Variants in ARL15 observed in about 807,000 individuals in gnomAD.
The protein encoded by ARL15 is ARF like GTPase 15.
A neutral mutation model predicts 25.2 loss-of-function variants in ARL15; 19 were observed. That is an observed-to-expected ratio of 0.75 (90% CI 0.53 to 1.10). The LOEUF is 1.10. Ranked by LOEUF, ARL15 falls within the 50% of genes least tolerant of loss-of-function variation. The probability of loss-of-function intolerance (pLI) is 0.00; values close to 1 mark genes in which losing one functional copy is unlikely to be tolerated. For synonymous variants in ARL15, 94 were observed against 86.8 expected, an observed-to-expected ratio of 1.08 and a Z score of -0.46; for missense variants, 220 against 246.0, an observed-to-expected ratio of 0.89 and a Z score of 0.71.
intron 1 of ARL15, among the ~76,000 whole-genome samples, chr5:54,302,913 G>A (rs537136021): frequency 1.3e-5 from 2 of 151,788 alleles, no homozygotes; most frequent in Admixed American, 6.6e-5. Flanking sequence ...GAGATGACAG[G>A]GGAGAGCCAC....
intron 3 of ARL15, among the ~76,000 whole-genome samples, chr5:54,123,132 G>A (rs1224229074): frequency 1.4e-5 from 2 of 147,046 alleles, no homozygotes; most frequent in Admixed American, 6.8e-5. Flanking sequence ...TTTTTGAGAC[G>A]GAGTTTCGCT....
At chr5:53,937,449 C>T (rs1209666922) in intron 4 of ARL15, among the ~76,000 whole-genome samples, 2 of 152,102 alleles carry the variant, frequency 1.3e-5, no homozygotes, top group Admixed American at 6.6e-5. Context: ...CCTATGTGGA[C>T]GTGCCAAATA....
chr5:54,254,231 G>A (rs565726724), intron 1 of ARL15, among the ~76,000 whole-genome samples: 31 of 152,090 alleles, frequency 2.0e-4, no homozygotes, highest in Non-Finnish European at 3.5e-4. Flanking sequence ...CAACTAACAC[G>A]GAGGAATAGT....
intron 1 of ARL15, 125 bp downstream of exon 1, chr5:54,310,307 G>A (rs1046596350): frequency 2.7e-6 from 3 of 1,115,848 alleles, no homozygotes; most frequent in South Asian, 1.7e-5. Context: ...GCCGGCTGCG[G>A]GAGAAAGAAC....
At chr5:54,141,472 T>A (rs981688925) in intron 3 of ARL15, among the ~76,000 whole-genome samples, 4 of 152,206 alleles carry the variant, frequency 2.6e-5, no homozygotes, top group African/African-American at 9.6e-5. Flanking sequence ...TTCAACGATT[T>A]TTAACTGGAG....
At chr5:54,240,547 G>A (rs894599575) in intron 1 of ARL15, among the ~76,000 whole-genome samples, 11 of 152,130 alleles carry the variant, frequency 7.2e-5, no homozygotes, top group East Asian at 1.9e-4. Context: ...GCAAGTGTTC[G>A]TTTAGGAGTT....
chr5:54,283,440 A>AATTCCAAACAT lies in ARL15; in HGVS notation c.48+26991_48+26992insATGTTTGGAAT, dbSNP rs1610936. On this transcript the variant is annotated intron_variant, in intron 1 of 4. Coordinates refer to ENST00000504924, the MANE Select transcript of ARL15 (RefSeq NM_019087.3). ...TTAAACTCAATCTAAACTTTCAAAT[A>AATTCCAAACAT]TCAACGGTGCTATTGTTCAAAACAA... Among the ~76,000 whole-genome samples the AATTCCAAACAT allele has an allele frequency of 9.7e-3, 1,475 of 152,208 alleles. 8 individuals carry two copies. Among genetic ancestry groups the AATTCCAAACAT allele is most frequent in the Middle Eastern group, 0.021 (6 of 290 alleles).
At chr5:54,262,445 T>G (rs1757518292) in intron 1 of ARL15, among the ~76,000 whole-genome samples, 2 of 152,174 alleles carry the variant, frequency 1.3e-5, no homozygotes, top group Admixed American at 1.3e-4. Flanking sequence ...TTTATGGAAG[T>G]GATTTTGAGA....
intron 4 of ARL15, among the ~76,000 whole-genome samples, chr5:53,966,967 T>C (rs1747586359): frequency 6.6e-6 from 1 of 152,200 alleles, no homozygotes; most frequent in South Asian, 2.1e-4. Flanking sequence ...ACTAGTTCAA[T>C]AAGCTGTGTT....
At chr5:54,250,547 G>C (rs1757211682) in intron 1 of ARL15, among the ~76,000 whole-genome samples, 4 of 152,218 alleles carry the variant, frequency 2.6e-5, no homozygotes, top group Admixed American at 2.6e-4. Flanking sequence ...ACAAGGTTCA[G>C]TAAGTTCTGA....
At chr5:54,136,708 C>T (rs996791275) in intron 3 of ARL15, among the ~76,000 whole-genome samples, 2 of 152,170 alleles carry the variant, frequency 1.3e-5, no homozygotes, top group African/African-American at 4.8e-5. Flanking sequence ...AAACTCACAG[C>T]CTGCTCTTAA....
At chr5:54,064,450 C>T (rs1369696947) in intron 4 of ARL15, among the ~76,000 whole-genome samples, 2 of 152,104 alleles carry the variant, frequency 1.3e-5, no homozygotes, top group African/African-American at 4.8e-5. Context: ...AATAATAGGT[C>T]CTGAGGCTAA....
At chr5:54,243,005 T>A (rs927189592) in intron 1 of ARL15, among the ~76,000 whole-genome samples, 5 of 152,346 alleles carry the variant, frequency 3.3e-5, no homozygotes, top group African/African-American at 1.2e-4. Flanking sequence ...TGATTGCCTG[T>A]CCCAGTATGA....
intron 1 of ARL15, among the ~76,000 whole-genome samples, chr5:54,296,054 G>A (rs559757461): frequency 2.8e-4 from 43 of 152,306 alleles, no homozygotes; most frequent in African/African-American, 9.4e-4. Flanking sequence ...CTGGCCTGAG[G>A]AGAGATGTGG....
At chr5:54,065,560 G>GGAGGCTGAGGCAGGAGAATCACTT (rs11274356) in intron 4 of ARL15, among the ~76,000 whole-genome samples, 15,853 of 116,508 alleles carry the variant, frequency 0.14, 1,299 homozygotes, top group African/African-American at 0.35. Flanking sequence ...CAGCTACTCC[G>GGAGGCTGAGGCAGGAGAATCACTT]GAGGCTGAGG....
At chr5:54,159,039 A>T (rs542732218) in intron 2 of ARL15, among the ~76,000 whole-genome samples, 1 of 152,268 alleles carries the variant, frequency 6.6e-6, no homozygotes, top group Admixed American at 6.5e-5. Flanking sequence ...CAAAATACAC[A>T]CGTGCCTAAT....
At chr5:54,037,127 A>C (rs1750192204) in intron 4 of ARL15, among the ~76,000 whole-genome samples, 1 of 152,042 alleles carries the variant, frequency 6.6e-6, no homozygotes, top group Admixed American at 6.5e-5. Context: ...GAACCTACTA[A>C]GCCATACATT....
chr5:54,306,546 A>G (rs1023567551), intron 1 of ARL15, among the ~76,000 whole-genome samples: 12 of 152,186 alleles, frequency 7.9e-5, no homozygotes, highest in African/African-American at 2.6e-4. Context: ...ATGCGCCACG[A>G]CACCCAGCTA....
intron 4 of ARL15, among the ~76,000 whole-genome samples, chr5:54,043,041 C>T (rs1394410470): frequency 6.6e-6 from 1 of 152,172 alleles, no homozygotes; most frequent in Non-Finnish European, 1.5e-5. Context: ...TAAGTACTAA[C>T]TACATGCCTT....
Sources: allele counts gnomAD v4.1 joint callset (sites outside exome capture counted in the v4.1 genomes callset), GRCh38; gene constraint gnomAD v4.1.1; transcripts MANE v1.5; gene names NCBI Gene and HGNC (gene_info 2026-07-23, HGNC 2026-07-21).